Variants in PBX1 observed in about 807,000 individuals in gnomAD.
PBX1 encodes pre-B-cell leukemia transcription factor 1.
Under a neutral mutation model 53.4 loss-of-function variants are expected in PBX1, and 6 were observed. The ratio of observed to expected loss-of-function variants is 0.11; its 90% confidence interval spans 0.06 to 0.22. PBX1 has a LOEUF of 0.22. Ranked by LOEUF, PBX1 falls within the 10% of genes least tolerant of loss-of-function variation. PBX1 has a pLI of 1.00. For synonymous variants in PBX1, 204 were observed against 212.3 expected, an observed-to-expected ratio of 0.96 and a Z score of 0.34; for missense variants, 251 against 551.4, an observed-to-expected ratio of 0.46 and a Z score of 5.46.
chr1:164,559,829 G>A lies in PBX1; in HGVS notation c.7G>A (p.Glu3Lys). The change falls in exon 1 of 9, where the codon GAG (glutamate) becomes AAG (lysine). Residue 3 changes from glutamate to lysine, a missense_variant. Glu to Lys is a moderately conservative substitution (Grantham distance 56). This residue lies in a region of PBX1 where 63 missense variants were observed against 78.7 expected (regional missense o/e 0.80). Transcript: ENST00000420696. MDEQPRLMHSHAG... is the reference protein window; with the variant it reads MDKQPRLMHSHAG... ...GCTGCCGTAGCCTTTGGAGATGGAC[G>A]AGCAGCCCAGGCTGATGCATTCCCA... 5 of 1,545,966 alleles carry A rather than the reference G, an allele frequency of 3.2e-6. No homozygotes were observed. The highest frequency in any genetic ancestry group is 4.4e-6 in the Non-Finnish European group (5 of 1,144,870).
At chr1:164,755,209 G>T (rs1302588897) in intron 2 of PBX1, among the ~76,000 whole-genome samples, 2 of 152,182 alleles carry the variant, frequency 1.3e-5, no homozygotes, top group Non-Finnish European at 2.9e-5. Flanking sequence ...TGCCCAGGCT[G>T]GAGTGCAGTG....
In PBX1 at chr1:164,849,361, C is replaced by G. The variant is rs1177375922; in HGVS notation, c.*2685C>G. The G allele has an allele frequency of 6.5e-7, 1 of 1,535,724 alleles. No individual in the cohort carries two copies. The highest frequency in any genetic ancestry group is 1.2e-5 in the South Asian group (1 of 84,052). On this transcript the variant is annotated 3_prime_UTR_variant, in exon 9 of 9. Coordinates refer to ENST00000420696, the MANE Select transcript of PBX1 (RefSeq NM_002585.4). ...CCAGCACCTCCCCCGGCACCCCCGG[C>G]AAGCCCACTATCACTTCCGACTTCC...
chr1:164,854,526 A>C (rs1213290), downstream of PBX1, among the ~76,000 whole-genome samples: 17 of 152,038 alleles, frequency 1.1e-4, no homozygotes, highest in Non-Finnish European at 2.2e-4. Context: ...ATCAGGAATG[A>C]TGTTCTGCTT....
chr1:164,643,321 G>A (rs538111725), intron 2 of PBX1, among the ~76,000 whole-genome samples: 6 of 152,168 alleles, frequency 3.9e-5, no homozygotes, highest in Admixed American at 6.5e-5. Flanking sequence ...ACGTGGTGTC[G>A]TGGTGGAAGA....
chr1:164,615,882 G>T (rs1460985327), intron 2 of PBX1, among the ~76,000 whole-genome samples: 6 of 152,132 alleles, frequency 3.9e-5, no homozygotes, highest in South Asian at 2.1e-4. Flanking sequence ...TCGACTTTGG[G>T]ATTTGGCCTC....
intron 8 of PBX1, among the ~76,000 whole-genome samples, chr1:164,830,677 G>A (rs1311240407): frequency 6.6e-6 from 1 of 152,138 alleles, no homozygotes; most frequent in Non-Finnish European, 1.5e-5. Context: ...CTTTCTTTAA[G>A]TCTAAACCCT....
chr1:164,804,363 C>T (rs1669231253), intron 4 of PBX1, among the ~76,000 whole-genome samples: 1 of 152,024 alleles, frequency 6.6e-6, no homozygotes, highest in Non-Finnish European at 1.5e-5. Flanking sequence ...CAATCTTTTT[C>T]CAGGAGGGCT....
chr1:164,806,548 G>T (rs942537285), intron 4 of PBX1, among the ~76,000 whole-genome samples: 5 of 152,142 alleles, frequency 3.3e-5, no homozygotes, highest in African/African-American at 9.7e-5. Context: ...TTAACTTATG[G>T]CTGCAGAAGC....
intron 8 of PBX1, chr1:164,831,545 T>A (rs566817608): frequency 6.6e-6 from 1 of 152,276 alleles, no homozygotes; most frequent in Non-Finnish European, 1.5e-5. Flanking sequence ...CCCGCCACCA[T>A]GCCCAGCTAA....
Position 164,804,639 on chromosome 1 carries a change from A to G in PBX1, c.702-2903A>G, listed in dbSNP as rs540136656. On this transcript the variant is annotated intron_variant, in intron 4 of 8. Transcript: ENST00000420696. ...ATACAACAGGCAGCTGCTCCTCTTC[A>G]CTCACTTCACAAATAGCAGCGCAAT... Among the ~76,000 whole-genome samples the G allele has an allele frequency of 1.3e-4, 19 of 144,102 alleles. No individual in the cohort carries two copies. In the East Asian group the frequency reaches 4.0e-3, roughly 31 times the overall value. 94.5% of individuals were successfully genotyped at this position (144,102 alleles called of 152,430 possible).
chr1:164,629,956 T>A (rs1230089867), intron 2 of PBX1, among the ~76,000 whole-genome samples: 1 of 152,222 alleles, frequency 6.6e-6, no homozygotes, highest in East Asian at 1.9e-4. Context: ...ACTGTTTCTC[T>A]TTTGAAAGAC....
At chr1:164,747,734 T>A (rs554810154) in intron 2 of PBX1, among the ~76,000 whole-genome samples, 61 of 152,272 alleles carry the variant, frequency 4.0e-4, no homozygotes, top group Admixed American at 1.8e-3. Flanking sequence ...ACTTTAATGA[T>A]GCTTAAGTAA....
intron 2 of PBX1, among the ~76,000 whole-genome samples, chr1:164,866,299 GT>G (rs1378159692): frequency 6.6e-6 from 1 of 152,240 alleles, no homozygotes; most frequent in African/African-American, 2.4e-5. Flanking sequence ...CTTCACGCTT[GT>G]AGCTCTTCAT....
chr1:164,671,131 G>A (rs543764892), intron 2 of PBX1, among the ~76,000 whole-genome samples: 8 of 151,824 alleles, frequency 5.3e-5, no homozygotes, highest in African/African-American at 9.7e-5. Context: ...ATTCTGCACC[G>A]ACAGAAATCA....
At chr1:164,814,412 T>G (rs889082733) in intron 6 of PBX1, 5 of 151,952 alleles carry the variant, frequency 3.3e-5, no homozygotes, top group African/African-American at 1.2e-4. Context: ...TTTTTCAGAG[T>G]TTTACAAAAT....
rs1458613469 is a variant in PBX1 at position 164,812,071 on chromosome 1, G to A, written c.919G>A (p.Ala307Thr). 1 of 1,613,876 alleles carries A rather than the reference G, an allele frequency of 6.2e-7. No homozygotes were observed. The highest frequency in any genetic ancestry group is 1.7e-5 in the Admixed American group (1 of 59,986). ...KFQEEANIYA[A>T]KTAVTATNVS... ...TCAAGAGGAAGCCAATATTTATGCT[G>A]CCAAAACAGCTGTCACTGCTACCAA... is the stretch of plus-strand genomic sequence containing the variant. The change falls in exon 6 of 9, where the codon GCC becomes ACC. Residue 307 changes from alanine (A) to threonine (T), a missense_variant. Physicochemically the swap from Ala to Thr is moderately conservative, Grantham distance 58. Around this residue, in one of 4 missense-constraint regions of PBX1, gnomAD observed 20 missense variants for 144.8 expected, o/e 0.14. Coordinates refer to ENST00000420696, the MANE Select transcript of PBX1 (RefSeq NM_002585.4).
At chr1:164,878,655 G>A (rs12404214) in intron 2 of PBX1, among the ~76,000 whole-genome samples, 58,438 of 151,662 alleles carry the variant, frequency 0.39, 11,515 homozygotes, top group Middle Eastern at 0.48. Flanking sequence ...TAGCCCTAGG[G>A]TTTTAGGGGA....
chr1:164,699,582 A>G (rs1571243914), intron 2 of PBX1, among the ~76,000 whole-genome samples: 2 of 152,310 alleles, frequency 1.3e-5, no homozygotes, highest in Non-Finnish European at 2.9e-5. Context: ...AGTGCAGGAA[A>G]TATCAGCCCT....
At chr1:164,583,219 T>A (rs1482399242) in intron 2 of PBX1, among the ~76,000 whole-genome samples, 1 of 151,402 alleles carries the variant, frequency 6.6e-6, no homozygotes, top group African/African-American at 2.4e-5. Context: ...TAAACTACAC[T>A]CTCATTACAG....
Sources: gnomAD v4.1 joint callset for allele counts (sites outside exome capture counted in the v4.1 genomes callset) on GRCh38, gnomAD v4.1.1 for gene constraint, gnomAD v4.1.1 regional missense constraint, MANE v1.5 for transcripts, NCBI Gene and HGNC (gene_info 2026-07-23, HGNC 2026-07-21) for gene names.